Variants in TBXAS1 observed in about 807,000 individuals in gnomAD.
The protein encoded by TBXAS1 is thromboxane A synthase 1, also known as thromboxane-A synthase.
Under a neutral mutation model 60.7 loss-of-function variants are expected in TBXAS1, and 48 were observed. That is an observed-to-expected ratio of 0.79 (90% CI 0.63 to 1.01). The LOEUF (loss-of-function observed/expected upper bound fraction) is 1.01. Ranked by LOEUF, TBXAS1 falls within the 50% of genes least tolerant of loss-of-function variation. The probability of loss-of-function intolerance (pLI) is 0.00; values close to 1 mark genes in which losing one functional copy is unlikely to be tolerated. For synonymous variants in TBXAS1, 287 were observed against 269.7 expected, an observed-to-expected ratio of 1.06 and a Z score of -0.63; for missense variants, 685 against 686.3, an observed-to-expected ratio of 1.00 and a Z score of 0.02.
intron 4 of TBXAS1, among the ~76,000 whole-genome samples, chr7:139,798,570 T>C (rs1797631336): frequency 6.6e-6 from 1 of 152,182 alleles, no homozygotes; most frequent in Non-Finnish European, 1.5e-5. Flanking sequence ...AAACCTTCTA[T>C]GCAGGAGATC....
chr7:139,828,968 T>C (rs1054276441), upstream of TBXAS1, among the ~76,000 whole-genome samples: 5 of 152,316 alleles, frequency 3.3e-5, no homozygotes, highest in African/African-American at 9.6e-5. Flanking sequence ...GATGTAGATA[T>C]AGATATAGAT....
At chr7:139,930,172 C>T (rs987813001) in intron 4 of TBXAS1, among the ~76,000 whole-genome samples, 1 of 152,204 alleles carries the variant, frequency 6.6e-6, no homozygotes, top group Admixed American at 6.5e-5. Flanking sequence ...TTGCACTAAT[C>T]TCACCTATGC....
intron 5 of TBXAS1, among the ~76,000 whole-genome samples, chr7:139,948,442 T>C (rs1424672857): frequency 6.6e-6 from 1 of 152,220 alleles, no homozygotes; most frequent in Non-Finnish European, 1.5e-5. Flanking sequence ...ACAGCTACAC[T>C]GGGAGTTGGG....
intron 9 of TBXAS1, among the ~76,000 whole-genome samples, chr7:139,984,772 GAAAGAAA>G (rs1481359719): frequency 2.3e-5 from 1 of 44,184 alleles, no homozygotes; most frequent in Non-Finnish European, 4.2e-5. Context: ...AAGCAGGAAA[GAAAGAAA>G]GAAAAGAAAG....
chr7:139,989,996 C>T (rs1812771416), intron 9 of TBXAS1, among the ~76,000 whole-genome samples: 1 of 152,198 alleles, frequency 6.6e-6, no homozygotes, highest in South Asian at 2.1e-4. Flanking sequence ...TGCAAAACAC[C>T]ACAGGCCTGC....
At chr7:139,985,862 A>G (rs529705984) in intron 9 of TBXAS1, among the ~76,000 whole-genome samples, 7 of 152,282 alleles carry the variant, frequency 4.6e-5, no homozygotes, top group Admixed American at 4.6e-4. Context: ...CCTCTTGTCC[A>G]GCTCCATGCC....
intron 3 of TBXAS1, among the ~76,000 whole-genome samples, chr7:139,907,903 T>G (rs549864749): frequency 6.6e-6 from 1 of 152,172 alleles, no homozygotes; most frequent in Non-Finnish European, 1.5e-5. Context: ...GTAATTTTCA[T>G]AGAATTGGTC....
At chr7:139,925,018 TC>T (rs1316184776) in intron 4 of TBXAS1, among the ~76,000 whole-genome samples, 1 of 152,218 alleles carries the variant, frequency 6.6e-6, no homozygotes, top group African/African-American at 2.4e-5. Context: ...GGTCTATGTG[TC>T]TGGTTTTATG....
chr7:140,015,613 G>C (rs1197698165), intron 10 of TBXAS1, 110 bp from the exon 11 acceptor site: 5 of 1,288,918 alleles, frequency 3.9e-6, no homozygotes, highest in Non-Finnish European at 5.6e-6. Context: ...CACACACCAT[G>C]CTGCCTGCCC....
chr7:139,835,347 C>T (rs182307618), intron 1 of TBXAS1, among the ~76,000 whole-genome samples: 8 of 152,200 alleles, frequency 5.3e-5, no homozygotes, highest in African/African-American at 1.9e-4. Flanking sequence ...GGATTTCAGG[C>T]GTGAGCCAAC....
At chr7:139,793,238 GA>G (rs1429596832) in intron 4 of TBXAS1, among the ~76,000 whole-genome samples, 2 of 152,050 alleles carry the variant, frequency 1.3e-5, no homozygotes, top group African/African-American at 4.8e-5. Context: ...CCAACATAGT[GA>G]AACCTTGTCT....
At chr7:139,840,574 T>C (rs760290325) in intron 1 of TBXAS1, among the ~76,000 whole-genome samples, 19 of 152,072 alleles carry the variant, frequency 1.2e-4, no homozygotes, top group South Asian at 2.1e-4. Flanking sequence ...CTAGACCCGC[T>C]GAGATGGTCC....
chr7:139,800,956 G>A (rs577431431), intron 4 of TBXAS1, among the ~76,000 whole-genome samples: 50 of 152,156 alleles, frequency 3.3e-4, no homozygotes, highest in African/African-American at 9.9e-4. Flanking sequence ...ACTCTCATTT[G>A]TTCCTTCCCT....
At chr7:140,007,510 T>C (rs1416707787) in intron 10 of TBXAS1, among the ~76,000 whole-genome samples, 6 of 152,234 alleles carry the variant, frequency 3.9e-5, no homozygotes, top group Non-Finnish European at 7.3e-5. Flanking sequence ...CGTTCATTCA[T>C]TCATTCAGCA....
chr7:139,984,946 A>AAAGAAAGAAAG lies in TBXAS1; in HGVS notation c.1135-22143_1135-22142insGAAAGAAAGAA, dbSNP rs1554503473. ...AAGGAAAGAAAGAAAGAAAGAAAAG[A>AAAGAAAGAAAG]AAAGAAAGAAAGAAAGAAAAGATCA... is the stretch of plus-strand genomic sequence containing the variant. On this transcript the variant is annotated intron_variant, in intron 9 of 12. Coordinates refer to ENST00000448866, the MANE Select transcript of TBXAS1 (RefSeq NM_001061.7). Among the ~76,000 whole-genome samples, 1,247 of 141,850 alleles carry AAAGAAAGAAAG rather than the reference A, an allele frequency of 8.8e-3. 40 individuals are homozygous for AAAGAAAGAAAG. Among genetic ancestry groups the AAAGAAAGAAAG allele is most frequent in the Admixed American group, 0.065 (902 of 13,778 alleles). 93.1% of individuals were successfully genotyped at this position (141,850 alleles called of 152,430 possible). A position where few individuals can be genotyped will look rare whatever the true frequency, so the allele number is the denominator to read the frequency against.
In TBXAS1 at chr7:139,817,304, G is replaced by A. The variant is rs542110045; in HGVS notation, c.-79-12008G>A. Among the ~76,000 whole-genome samples, 434 of 151,660 alleles carry A rather than the reference G, an allele frequency of 2.9e-3. 2 individuals carry two copies. The highest frequency in any genetic ancestry group is 9.8e-3 in the African/African-American group (404 of 41,294). ...TCCCATGTGAGCTTGACACATGCAC[G>A]CTGCCCACCTGTACATGCATGCACA... On this transcript the variant is annotated intron_variant, in intron 4 of 16. Transcript: ENST00000336425.
Position 139,875,608 on chromosome 7 carries a change from G to T in TBXAS1, c.207G>T (p.Glu69Asp), listed in dbSNP as rs1198833745. 1 of 1,614,208 alleles carries T rather than the reference G, an allele frequency of 6.2e-7. No homozygotes were observed. Among genetic ancestry groups the T allele is most frequent in the South Asian group, 1.1e-5 (1 of 91,086 alleles). ...AGGGTTTTTGGGAAAGCCAAATGGA[G>T]CTCAGAAAGCTGTATGGACCTCTGT... ...FRQGFWESQMELRKLYGPLCG... is the reference protein window; with the variant it reads ...FRQGFWESQMDLRKLYGPLCG... Residue 69 changes from glutamate (E) to aspartate (D), a missense_variant, in exon 3 of 13, where the codon GAG becomes GAT. Physicochemically the swap from Glu to Asp is conservative, Grantham distance 45 (BLOSUM62 2). Coordinates refer to ENST00000448866, the MANE Select transcript of TBXAS1 (RefSeq NM_001061.7).
chr7:139,898,414 T>C (rs1258067746), intron 3 of TBXAS1, among the ~76,000 whole-genome samples: 4 of 23,778 alleles, frequency 1.7e-4, no homozygotes, highest in African/African-American at 1.1e-3. Context: ...CGTGCATGGC[T>C]TTTTTTTTTT....
At chr7:139,961,830 C>T in intron 8 of TBXAS1, 89 bp from the exon 9 acceptor site, 1 of 1,503,496 alleles carries the variant, frequency 6.7e-7, no homozygotes. Context: ...AAAGCTATGC[C>T]CATGTATCTT....
Sources: gnomAD v4.1 joint callset for allele counts (sites outside exome capture counted in the v4.1 genomes callset) on GRCh38, gnomAD v4.1.1 for gene constraint, MANE v1.5 for transcripts, NCBI Gene and HGNC (gene_info 2026-07-23, HGNC 2026-07-21) for gene names.